The following CPSF1 variants were observed in gnomAD, a reference collection of about 807,000 sequenced individuals.
CPSF1 encodes the protein cleavage and polyadenylation specific factor 1.
A neutral mutation model predicts 175.8 loss-of-function variants in CPSF1; 106 were observed. The observed-to-expected ratio is 0.60, with a 90% CI of 0.52 to 0.71. CPSF1 has a LOEUF of 0.71. Ranked by LOEUF, CPSF1 falls within the 30% of genes least tolerant of loss-of-function variation. The probability of loss-of-function intolerance (pLI) is 0.00; values close to 1 mark genes in which losing one functional copy is unlikely to be tolerated. For synonymous variants in CPSF1, 1,024 were observed against 858.3 expected (o/e 1.19, Z -3.37); for missense variants, 1,734 against 2,022.9 (o/e 0.86, Z 2.74).
rs2116880943 is a variant in CPSF1 at position 144,401,047 on chromosome 8, G to A, written c.416C>T (p.Pro139Leu). Reference protein sequence around the residue: ...RDGFVQNVHTPRVRVDPDGRC... With the variant: ...RDGFVQNVHTLRVRVDPDGRC... ...CCCGTCGGGGTCCACCCGCACTCGC[G>A]GCGTGTGTACATTCTGCACAAACCC... The change falls in exon 6 of 38, where the codon CCG becomes CTG. Residue 139 changes from proline to leucine, a missense_variant. By Grantham distance (98) the Pro-to-Leu change is moderately conservative. Coordinates refer to ENST00000616140, the MANE Select transcript of CPSF1 (RefSeq NM_013291.3). 39 of 1,607,878 alleles carry A rather than the reference G, an allele frequency of 2.4e-5. No homozygotes were observed. Among genetic ancestry groups the A allele is most frequent in the Non-Finnish European group, 2.9e-5 (34 of 1,176,730 alleles).
rs781894771 is a variant in CPSF1 at position 144,394,777 on chromosome 8, A to G, written c.3434T>C (p.Ile1145Thr). The G allele has an allele frequency of 5.6e-6, 9 of 1,613,534 alleles. No homozygotes were observed. The highest frequency in any genetic ancestry group is 2.2e-5 in the East Asian group (1 of 44,876). ...CRGRILIMDVIEVVPEPGQPL... is the reference protein window; with the variant it reads ...CRGRILIMDVTEVVPEPGQPL... ...CTGGCCAGGCTCGGGCACCACCTCA[A>G]TCACATCCATGATCAAGATCTGGAG... Residue 1145 changes from isoleucine (I) to threonine (T), a missense_variant, in exon 31 of 38, where the codon ATT becomes ACT. By Grantham distance (89) the Ile-to-Thr change is moderately conservative (BLOSUM62 -1). Around this residue, in one of 10 missense-constraint regions of CPSF1, gnomAD observed 62 missense variants for 124.5 expected, o/e 0.50. Coordinates refer to ENST00000616140, the MANE Select transcript of CPSF1 (RefSeq NM_013291.3).
chr8:144,401,184 TGGGCGG>T (rs1333163975), intron 5 of CPSF1, 21 bp downstream of exon 5: 2 of 712,556 alleles, frequency 2.8e-6, no homozygotes, highest in Non-Finnish European at 4.1e-6. Context: ...GGGCGGGGCC[TGGGCGG>T]GGGCGGGAGC....
chr8:144,402,415 C>G (rs749907339), intron 2 of CPSF1, among the ~76,000 whole-genome samples: 1 of 152,036 alleles, frequency 6.6e-6, no homozygotes, highest in Non-Finnish European at 1.5e-5. Flanking sequence ...TCAAGTGATT[C>G]TGCCTCAGCC....
intron 32 of CPSF1, 27 bp from the exon 33 acceptor site, chr8:144,394,327 G>A: frequency 1.9e-6 from 3 of 1,585,298 alleles, no homozygotes; most frequent in Non-Finnish European, 1.7e-6. Context: ...GGCGTCAGAG[G>A]TGCCTTGGGC....
rs1300630886 is a variant in CPSF1, at chr8:144,395,520, T to C, written c.3011A>G (p.Tyr1004Cys). The change falls in exon 27 of 38, where the codon TAC (tyrosine) becomes TGC (cysteine). Residue 1004 changes from tyrosine to cysteine, a missense_variant. Transcript: ENST00000616140. ...GELRISVLPAYLSYDAPWPVR... is the reference protein window; with the variant it reads ...GELRISVLPACLSYDAPWPVR... ...AGGCCATGGGGCATCATAGGACAGG[T>C]AGGCAGGCAGGACACTGATCCTCAG... The C allele has an allele frequency of 3.5e-6, 5 of 1,430,422 alleles. No individual in the cohort carries two copies. Among genetic ancestry groups the C allele is most frequent in the Admixed American group, 3.9e-5 (2 of 51,426 alleles). 88.6% of individuals were successfully genotyped at this position (1,430,422 alleles called of 1,614,324 possible). A position where few individuals can be genotyped will look rare whatever the true frequency, so the allele number is the denominator to read the frequency against.
intron 36 of CPSF1, 33 bp from the exon 37 acceptor site, chr8:144,393,623 C>T (rs1554862202): frequency 6.3e-7 from 1 of 1,591,668 alleles, no homozygotes; most frequent in South Asian, 1.1e-5. Flanking sequence ...TCAGGGCAGG[C>T]TGGGGTGGAG....
intron 7 of CPSF1, 34 bp downstream of exon 7, chr8:144,400,637 C>T (rs1051502646): frequency 3.1e-6 from 5 of 1,596,432 alleles, no homozygotes; most frequent in Non-Finnish European, 4.3e-6. Context: ...GCTAGGGGGC[C>T]CACAGTGCAG....
intron 23 of CPSF1, 44 bp downstream of exon 23, chr8:144,397,163 C>T (rs1004707070): frequency 6.7e-7 from 1 of 1,496,400 alleles, no homozygotes; most frequent in African/African-American, 1.4e-5. Flanking sequence ...ACGGGCAGGG[C>T]CAGGGGGAAG....
chr8:144,402,245 G>A (rs1321561722), intron 2 of CPSF1, among the ~76,000 whole-genome samples: 2 of 152,204 alleles, frequency 1.3e-5, no homozygotes, highest in African/African-American at 2.4e-5. Context: ...TAACTAGCTA[G>A]CAGATTTATA....
intron 2 of CPSF1, among the ~76,000 whole-genome samples, chr8:144,402,028 C>T (rs1821236689): frequency 1.3e-5 from 2 of 152,194 alleles, no homozygotes; most frequent in Admixed American, 6.5e-5. Context: ...AGCCCAGCCC[C>T]GGCCCCTGGG....
At chr8:144,406,378 G>C (rs1554869096) in intron 2 of CPSF1, among the ~76,000 whole-genome samples, 1 of 152,136 alleles carries the variant, frequency 6.6e-6, no homozygotes, top group African/African-American at 2.4e-5. Context: ...AGGCTCAACA[G>C]CGTGGGACCC....
intron 2 of CPSF1, among the ~76,000 whole-genome samples, chr8:144,404,764 T>C (rs1307800350): frequency 2.7e-5 from 4 of 149,202 alleles, no homozygotes; most frequent in Admixed American, 2.0e-4. Context: ...GCTAAAGAAA[T>C]AGCGACCAAA....
chr8:144,395,092 C>A lies in CPSF1; in HGVS notation c.3272+6G>T. ...GCAGACCCCACCCCCGCCGGCCCAG[C>A]CTCACCTGGCATTGGGAATAGCCTC... On this transcript the variant is annotated splice_donor_region_variant and intron_variant, in intron 29 of 37. Coordinates refer to ENST00000616140, the MANE Select transcript of CPSF1 (RefSeq NM_013291.3). The A allele has an allele frequency of 6.2e-7, 1 of 1,607,732 alleles. No homozygotes were observed.
Position 144,397,320 on chromosome 8 carries a change from T to G in CPSF1, c.2479A>C (p.Thr827Pro), listed in dbSNP as rs782654685. 1 of 1,555,350 alleles carries G rather than the reference T, an allele frequency of 6.4e-7. No homozygotes were observed. Among genetic ancestry groups the G allele is most frequent in the South Asian group, 1.2e-5 (1 of 84,416 alleles). The stretch of plus-strand genomic sequence containing the variant: ...TCCCTGCGGGCCTCGCCCTGTGTAG[T>G]GGGCTGTCCAAAGGAGCTGTCCACA... ...VLVDSSFGQP[T>P]TQGEARREEA... The change falls in exon 23 of 38, where the codon ACT becomes CCT. Residue 827 changes from threonine (T) to proline (P), a missense_variant. This residue lies in a region of CPSF1 where 585 missense variants were observed against 584.7 expected (regional missense o/e 1.00). Coordinates refer to ENST00000616140, the MANE Select transcript of CPSF1 (RefSeq NM_013291.3).
In CPSF1 at chr8:144,393,271, G is replaced by T; in HGVS notation, c.*47C>A. ...TTTTCCTTGTGTTTTGTACAAAAAGGGGGTGGGAGGTAGTTCCGTGTGCTG... is the reference window on the plus strand; with the variant it reads ...TTTTCCTTGTGTTTTGTACAAAAAGTGGGTGGGAGGTAGTTCCGTGTGCTG... On this transcript the variant is annotated 3_prime_UTR_variant, in exon 38 of 38. Coordinates refer to ENST00000616140, the MANE Select transcript of CPSF1 (RefSeq NM_013291.3). The T allele has an allele frequency of 6.9e-7, 1 of 1,458,196 alleles. No homozygotes were observed. Among genetic ancestry groups the T allele is most frequent in the Non-Finnish European group, 9.1e-7 (1 of 1,096,424 alleles). 90.3% of individuals were successfully genotyped at this position (1,458,196 alleles called of 1,614,324 possible).
rs782194641 is a variant in CPSF1, at chr8:144,397,215, A to G, written c.2584T>C (p.Tyr862His). The G allele has an allele frequency of 6.5e-7, 1 of 1,542,632 alleles. No individual in the cohort carries two copies. ...AGGCCAGGCGCACTCACCAGCAGGT[A>G]GGGCCTGCTCTGGCGGCTGCCCAGC... ...VALGSRQSRP[Y>H]LLVHVDQELL... Residue 862 changes from tyrosine to histidine, a missense_variant, in exon 23 of 38, where the codon TAC (tyrosine) becomes CAC (histidine). Around this residue, in one of 10 missense-constraint regions of CPSF1, gnomAD observed 585 missense variants for 584.7 expected, o/e 1.00. Transcript: ENST00000616140.
At chr8:144,408,978 C>T (rs2116912510) in intron 2 of CPSF1, 37 bp downstream of exon 2, 1 of 1,603,964 alleles carries the variant, frequency 6.2e-7, no homozygotes, top group South Asian at 1.1e-5. Context: ...GCACCCACGT[C>T]GCGGACAGCC....
In CPSF1 at chr8:144,409,324, A is replaced by G. The variant is rs1821672616; in HGVS notation, c.-50T>C. ...GAGCCGACTCGAGAGGAACCGGGAC[A>G]GCAGCGAACTCAGTCCGGCCGGGCC... On this transcript the variant is annotated 5_prime_UTR_variant, in exon 1 of 38. Coordinates refer to ENST00000616140, the MANE Select transcript of CPSF1 (RefSeq NM_013291.3). The G allele has an allele frequency of 8.6e-6, 4 of 464,846 alleles. No individual in the cohort carries two copies. The highest frequency in any genetic ancestry group is 1.1e-4 in the South Asian group (1 of 9,428). The allele number at this position is 464,846 out of a possible 1,614,324, so 28.8% of individuals were successfully genotyped here.
intron 23 of CPSF1, 77 bp from the exon 24 acceptor site, chr8:144,397,006 C>A: frequency 8.8e-7 from 1 of 1,139,780 alleles, no homozygotes; most frequent in Non-Finnish European, 1.3e-6. Flanking sequence ...AAGAGGTGGG[C>A]TGTGGGTAAG....
Sources: gnomAD v4.1 joint callset for allele counts (sites outside exome capture counted in the v4.1 genomes callset) on GRCh38, gnomAD v4.1.1 for gene constraint, gnomAD v4.1.1 regional missense constraint, MANE v1.5 for transcripts, NCBI Gene and HGNC (gene_info 2026-07-23, HGNC 2026-07-21) for gene names.